The following MTUS1 variants were observed in gnomAD, a reference collection of about 807,000 sequenced individuals.
MTUS1 encodes the protein microtubule associated scaffold protein 1.
In MTUS1, 109 loss-of-function variants were observed where a neutral mutation model predicts 120.8. The ratio of observed to expected loss-of-function variants is 0.90; its 90% CI spans 0.77 to 1.06. The LOEUF is 1.06. Ranked by LOEUF, MTUS1 falls within the 50% of genes least tolerant of loss-of-function variation. The probability of loss-of-function intolerance (pLI) is 0.00; values close to 1 mark genes in which losing one functional copy is unlikely to be tolerated. For missense variants in MTUS1, 2,210 were observed against 1,486.3 expected (o/e 1.49, Z -8.01); for synonymous variants, 737 against 550.5 (o/e 1.34, Z -4.74).
chr8:17,675,074 G>C, intron 8 of MTUS1, 112 bp downstream of exon 8: 1 of 1,557,506 alleles, frequency 6.4e-7, no homozygotes, highest in East Asian at 2.3e-5. Flanking sequence ...TAGACAGGGA[G>C]TGCCAACAGC....
chr8:17,653,427 C>G lies in MTUS1; in HGVS notation c.3286G>C (p.Glu1096Gln), dbSNP rs1259153745. Residue 1096 changes from glutamate to glutamine, a missense_variant and splice_region_variant, in exon 11 of 15, where the codon GAG becomes CAG. Glu to Gln is a conservative substitution (Grantham distance 29). Transcript: ENST00000693296. ...CTGGGATATTGACATTCACCCACCTCTAGCGATTCCTGCTTCTCAGAAAGT... is the reference window on the plus strand; with the variant it reads ...CTGGGATATTGACATTCACCCACCTGTAGCGATTCCTGCTTCTCAGAAAGT... ...DLLSEKQESLEKQINDLKSEN... is the reference protein window; with the variant it reads ...DLLSEKQESLQKQINDLKSEN... 3 of 1,608,586 alleles carry G rather than the reference C, an allele frequency of 1.9e-6. No individual in the cohort carries two copies. The Admixed American group carries it at 5.1e-5, about 27-fold the overall frequency.
At chr8:17,672,176 G>A (rs756786970) in intron 8 of MTUS1, among the ~76,000 whole-genome samples, 1 of 152,144 alleles carries the variant, frequency 6.6e-6, no homozygotes, top group Admixed American at 6.5e-5. Context: ...ATTCCTTTCT[G>A]TAGCATAGAT....
At chr8:17,751,035 G>C (rs534348787) in intron 2 of MTUS1, among the ~76,000 whole-genome samples, 1 of 152,190 alleles carries the variant, frequency 6.6e-6, no homozygotes, top group Non-Finnish European at 1.5e-5. Flanking sequence ...ATTAACATCC[G>C]ACCGGGCGCG....
intron 6 of MTUS1, among the ~76,000 whole-genome samples, chr8:17,690,314 C>T (rs1013099698): frequency 6.6e-6 from 1 of 152,120 alleles, no homozygotes; most frequent in Non-Finnish European, 1.5e-5. Flanking sequence ...CAGAGAAATG[C>T]AAATGAAAAC....
intron 6 of MTUS1, among the ~76,000 whole-genome samples, chr8:17,690,740 A>ATC (rs1451943683): frequency 6.6e-6 from 1 of 152,130 alleles, no homozygotes; most frequent in Non-Finnish European, 1.5e-5. Context: ...AAAAAGGCAA[A>ATC]TCTCTCACCC....
chr8:17,688,423 A>G (rs1243013137), intron 6 of MTUS1, among the ~76,000 whole-genome samples: 3 of 152,246 alleles, frequency 2.0e-5, no homozygotes, highest in Admixed American at 2.0e-4. Context: ...TAAAAAGGTG[A>G]CAGTCACTGA....
In MTUS1 at chr8:17,684,448, C is replaced by T. The variant is rs74754090; in HGVS notation, c.2718G>A (p.Thr906=). The change falls in exon 7 of 15, where the codon ACG becomes ACA. Residue 906 remains threonine, a synonymous_variant. Transcript: ENST00000693296. ...GGTTTTCACATTTTGTTTTATATTG[C>T]GTCAATTCAAGTGTTTTCTCAGGGG... ...ALPPEKTLEL[T]QYKTKCENQS... is the part of the protein sequence containing the mutation. 37,069 of 1,614,050 alleles carry T rather than the reference C, an allele frequency of 0.023. 1,725 individuals carry two copies. The highest frequency in any genetic ancestry group is 0.14 in the South Asian group (12,763 of 91,064).
intron 1 of MTUS1, among the ~76,000 whole-genome samples, chr8:17,756,671 A>ACCCCCG (rs1177055386): frequency 6.8e-5 from 8 of 117,484 alleles, no homozygotes; most frequent in African/African-American, 1.3e-4. Flanking sequence ...TCAAGCCCAA[A>ACCCCCG]CCCCCACCCC....
In MTUS1 at chr8:17,742,040, T is replaced by C. The variant is rs958573261; in HGVS notation, c.2287+1564A>G. On this transcript the variant is annotated intron_variant, in intron 3 of 14. Coordinates refer to ENST00000693296, the MANE Select transcript of MTUS1 (RefSeq NM_001363059.2). ...CACAGAGGAGGAAGGGAGCTTCCCATTCTCTGCAAGCACCATGAGCCTTAT... is the reference window on the plus strand; with the variant it reads ...CACAGAGGAGGAAGGGAGCTTCCCACTCTCTGCAAGCACCATGAGCCTTAT... Among the ~76,000 whole-genome samples, 11 of 152,162 alleles carry C rather than the reference T, an allele frequency of 7.2e-5. 1 individual carries two copies. The highest frequency in any genetic ancestry group is 6.5e-4 in the Admixed American group (10 of 15,284).
intron 1 of MTUS1, among the ~76,000 whole-genome samples, chr8:17,772,019 T>G (rs889629735): frequency 1.3e-5 from 2 of 152,236 alleles, no homozygotes; most frequent in Non-Finnish European, 2.9e-5. Context: ...GGTAGTGGCC[T>G]GGATGACTTT....
Position 17,692,698 on chromosome 8 carries a change from A to T in MTUS1, c.2624-8156T>A, listed in dbSNP as rs79434962. ...GGTGCAGGGTAGGAGGAGGGAGAGG[A>T]GCAGAAAACAATAACTTGGGTGCTG... is the stretch of plus-strand genomic sequence containing the variant. On this transcript the variant is annotated intron_variant, in intron 6 of 14. Transcript: ENST00000693296. 3.0e-3 allele frequency among the ~76,000 whole-genome samples: 464 copies of T among 152,232 alleles called. 3 individuals are homozygous for T. The highest frequency in any genetic ancestry group is 5.7e-3 in the Non-Finnish European group (386 of 68,022).
chr8:17,690,866 A>C (rs1236044366), intron 6 of MTUS1, among the ~76,000 whole-genome samples: 1 of 152,196 alleles, frequency 6.6e-6, no homozygotes. Flanking sequence ...TAAATACAGA[A>C]ATATGATATT....
At chr8:17,683,685 A>G (rs963686886) in intron 7 of MTUS1, among the ~76,000 whole-genome samples, 1 of 152,152 alleles carries the variant, frequency 6.6e-6, no homozygotes, top group Non-Finnish European at 1.5e-5. Flanking sequence ...TATTCTTATC[A>G]GTTGCCCCCT....
intron 1 of MTUS1, among the ~76,000 whole-genome samples, chr8:17,767,584 G>C (rs1006868598): frequency 6.6e-6 from 1 of 151,228 alleles, no homozygotes; most frequent in African/African-American, 2.4e-5. Context: ...TATGGTCCCA[G>C]CTACTCTGAA....
intron 1 of MTUS1, among the ~76,000 whole-genome samples, chr8:17,792,576 T>C (rs1586439544): frequency 6.6e-6 from 1 of 152,152 alleles, no homozygotes; most frequent in Non-Finnish European, 1.5e-5. Context: ...TAAAGCAACA[T>C]CAGAAGGCTG....
At chr8:17,684,166 G>A (rs377091153) in intron 7 of MTUS1, among the ~76,000 whole-genome samples, 162 bp downstream of exon 7, 4 of 152,284 alleles carry the variant, frequency 2.6e-5, no homozygotes, top group African/African-American at 9.6e-5. Context: ...GCTAGAGACC[G>A]ACTCAAGTAT....
chr8:17,650,571 A>G (rs1432679520), intron 12 of MTUS1, among the ~76,000 whole-genome samples: 1 of 152,228 alleles, frequency 6.6e-6, no homozygotes, highest in Non-Finnish European at 1.5e-5. Flanking sequence ...TTTGCCAGGC[A>G]TAGTGGCATA....
intron 7 of MTUS1, among the ~76,000 whole-genome samples, chr8:17,679,231 AC>A (rs1813758986): frequency 1.3e-5 from 2 of 152,002 alleles, no homozygotes; most frequent in Non-Finnish European, 2.9e-5. Context: ...TATATATTAT[AC>A]ATATATAAAA....
intron 4 of MTUS1, among the ~76,000 whole-genome samples, chr8:17,720,359 CA>C (rs961886293): frequency 2.0e-5 from 3 of 148,328 alleles, no homozygotes; most frequent in African/African-American, 7.4e-5. Context: ...AAAAAAAAAA[CA>C]AAAAACAAAA....
Sources: gnomAD v4.1 joint callset for allele counts (sites outside exome capture counted in the v4.1 genomes callset) on GRCh38, gnomAD v4.1.1 for gene constraint, MANE v1.5 for transcripts, NCBI Gene and HGNC (gene_info 2026-07-23, HGNC 2026-07-21) for gene names.